Variants in PKP2 observed in about 807,000 individuals in gnomAD.
PKP2 encodes plakophilin 2.
Under a neutral mutation model 83.4 loss-of-function variants are expected in PKP2, and 73 were observed. The observed-to-expected ratio is 0.88, with a 90% confidence interval of 0.72 to 1.06. The LOEUF is 1.06. PKP2 is among the 50% of genes least tolerant of loss of function. The probability of loss-of-function intolerance (pLI) is 0.00; values close to 1 mark genes in which losing one functional copy is unlikely to be tolerated. For missense variants in PKP2, 966 were observed against 1,065.4 expected (o/e 0.91, Z 1.30); for synonymous variants, 409 against 430.4 (o/e 0.95, Z 0.62).
intron 7 of PKP2, 103 bp from the exon 8 acceptor site, chr12:32,822,734 C>T: frequency 7.8e-7 from 1 of 1,287,144 alleles, no homozygotes; most frequent in South Asian, 1.2e-5. Flanking sequence ...TTACCAGATG[C>T]AACTGGGTGT....
intron 3 of PKP2, among the ~76,000 whole-genome samples, chr12:32,871,852 A>C (rs940684005): frequency 6.6e-6 from 1 of 152,104 alleles, no homozygotes; most frequent in African/African-American, 2.4e-5. Context: ...CTCCTGTCTC[A>C]GCTCAAATAT....
At chr12:32,886,847 A>T (rs1186066512) in intron 1 of PKP2, among the ~76,000 whole-genome samples, 2 of 151,968 alleles carry the variant, frequency 1.3e-5, no homozygotes, top group Non-Finnish European at 2.9e-5. Context: ...AAAAATTTAA[A>T]AATTAGCTGG....
chr12:32,866,067 G>A (rs2137910477), intron 4 of PKP2, among the ~76,000 whole-genome samples: 1 of 151,986 alleles, frequency 6.6e-6, no homozygotes, highest in South Asian at 2.1e-4. Context: ...AAACCTATTA[G>A]GAGAATGAAA....
chr12:32,832,431 T>G (rs966079898), intron 6 of PKP2, among the ~76,000 whole-genome samples: 1 of 152,170 alleles, frequency 6.6e-6, no homozygotes, highest in African/African-American at 2.4e-5. Context: ...AACCATGTAC[T>G]TGTTTGTATA....
intron 4 of PKP2, among the ~76,000 whole-genome samples, chr12:32,859,459 T>G (rs990632316): frequency 1.7e-4 from 26 of 152,074 alleles, no homozygotes; most frequent in Non-Finnish European, 3.1e-4. Context: ...TAACTTTTTT[T>G]TTTGTGTGTG....
chr12:32,879,131 T>C, intron 1 of PKP2, 99 bp from the exon 2 acceptor site: 4 of 742,126 alleles, frequency 5.4e-6, no homozygotes, highest in Admixed American at 1.9e-5. Context: ...TAAATTTAAG[T>C]AATGAAGGCC....
chr12:32,884,379 A>G (rs893064691), intron 1 of PKP2, among the ~76,000 whole-genome samples: 3 of 152,304 alleles, frequency 2.0e-5, no homozygotes, highest in South Asian at 4.1e-4. Context: ...ACTTGAACCC[A>G]GGAGGCAGAA....
chr12:32,845,538 C>A (rs892239864), intron 5 of PKP2, among the ~76,000 whole-genome samples: 1 of 151,886 alleles, frequency 6.6e-6, no homozygotes, highest in African/African-American at 2.4e-5. Flanking sequence ...GGCAACAGAG[C>A]GAGACTCCGT....
At chr12:32,814,081 C>T (rs971808347) in intron 9 of PKP2, among the ~76,000 whole-genome samples, 1 of 152,140 alleles carries the variant, frequency 6.6e-6, no homozygotes, top group Non-Finnish European at 1.5e-5. Flanking sequence ...CCAGGAGGGA[C>T]GTTTGGCACT....
At chr12:32,870,603 C>T (rs1282923348) in intron 3 of PKP2, among the ~76,000 whole-genome samples, 1 of 151,988 alleles carries the variant, frequency 6.6e-6, no homozygotes, top group African/African-American at 2.4e-5. Context: ...GAGGATATTA[C>T]ACCTTTTAAA....
At chr12:32,837,325 C>T (rs1174703641) in intron 6 of PKP2, among the ~76,000 whole-genome samples, 1 of 152,152 alleles carries the variant, frequency 6.6e-6, no homozygotes, top group Non-Finnish European at 1.5e-5. Flanking sequence ...TACTACTAGC[C>T]ATATGACTTT....
intron 9 of PKP2, among the ~76,000 whole-genome samples, chr12:32,813,317 T>G (rs1956293468): frequency 6.6e-6 from 1 of 152,186 alleles, no homozygotes; most frequent in South Asian, 2.1e-4. Flanking sequence ...AGAAAATGTA[T>G]AAACATTGGG....
Position 32,791,440 on chromosome 12 carries a change from A to G in PKP2, c.*984T>C, listed in dbSNP as rs1220848395. The G allele has an allele frequency of 1.3e-5, 2 of 152,226 alleles. No individual in the cohort carries two copies. The highest frequency in any genetic ancestry group is 4.8e-5 in the African/African-American group (2 of 41,444). The allele number at this position is 152,226 out of a possible 1,614,324, so 9.4% of individuals were successfully genotyped here. A position where few individuals can be genotyped will look rare whatever the true frequency, so the allele number is the denominator to read the frequency against. On this transcript the variant is annotated 3_prime_UTR_variant, in exon 13 of 13. Coordinates refer to ENST00000340811, the MANE Select transcript of PKP2 (RefSeq NM_001005242.3). ...GCTGATAATGTAACTCATTAACATGAGCCGTATTTTCAGTGCCCCAGGCTG... is the reference window on the plus strand; with the variant it reads ...GCTGATAATGTAACTCATTAACATGGGCCGTATTTTCAGTGCCCCAGGCTG...
intron 3 of PKP2, among the ~76,000 whole-genome samples, chr12:32,874,941 G>T (rs1307764595): frequency 5.3e-5 from 8 of 151,866 alleles, no homozygotes; most frequent in Admixed American, 2.6e-4. Context: ...GGGTCTCGGG[G>T]TCTCCCTATT....
chr12:32,850,763 T>G lies in PKP2; in HGVS notation c.1378+3A>C. On this transcript the variant is annotated splice_donor_region_variant and intron_variant, in intron 5 of 12. Transcript: ENST00000340811. ...AGGTTCTTCAATGTTCAGTAAGCAC[T>G]ACCTGTTATTTGTTTTTTAGTCTCC... The G allele has an allele frequency of 6.2e-7, 1 of 1,609,296 alleles. No homozygotes were observed. The highest frequency in any genetic ancestry group is 8.5e-7 in the Non-Finnish European group (1 of 1,177,182).
At chr12:32,896,190 T>A (rs1957121585) in intron 1 of PKP2, among the ~76,000 whole-genome samples, 1 of 152,054 alleles carries the variant, frequency 6.6e-6, no homozygotes, top group African/African-American at 2.4e-5. Context: ...CCCTGAACCT[T>A]CAAATTAAGT....
intron 10 of PKP2, 69 bp downstream of exon 10, chr12:32,802,334 C>T (rs1956188752): frequency 6.7e-7 from 1 of 1,497,900 alleles, no homozygotes; most frequent in Non-Finnish European, 9.3e-7. Flanking sequence ...GGAGGTGATA[C>T]AGACAACATT....
At chr12:32,857,465 C>T (rs908970984) in intron 4 of PKP2, among the ~76,000 whole-genome samples, 8 of 151,762 alleles carry the variant, frequency 5.3e-5, no homozygotes, top group East Asian at 1.9e-4. Flanking sequence ...AGATCAACAG[C>T]GTCAAATACC....
chr12:32,821,242 TTACTA>T (rs1956372244), intron 9 of PKP2, 109 bp downstream of exon 9: 1 of 989,690 alleles, frequency 1.0e-6, no homozygotes, highest in East Asian at 2.6e-5. Context: ...AGAATTGTCT[TTACTA>T]AAATAAGAAA....
Sources: allele counts gnomAD v4.1 joint callset (sites outside exome capture counted in the v4.1 genomes callset), GRCh38; gene constraint gnomAD v4.1.1; transcripts MANE v1.5; gene names NCBI Gene and HGNC (gene_info 2026-07-23, HGNC 2026-07-21).